The following IGF1R variants were observed in gnomAD, a reference collection of about 807,000 sequenced individuals.
IGF1R encodes the protein insulin like growth factor 1 receptor.
A neutral mutation model predicts 144.6 loss-of-function variants in IGF1R; 44 were observed. The observed-to-expected ratio is 0.30, with a 90% CI of 0.24 to 0.39. IGF1R has a LOEUF of 0.39. Among genes scored for constraint, IGF1R ranks in the 10% least tolerant of loss-of-function variants. The pLI, the probability that IGF1R is intolerant of heterozygous loss-of-function variation, is 1.00. For synonymous variants in IGF1R, 795 were observed against 722.8 expected (o/e 1.10, Z -1.60); for missense variants, 1,355 against 1,833.7 (o/e 0.74, Z 4.77).
chr15:98,662,066 T>A (rs1057394553), intron 1 of IGF1R, among the ~76,000 whole-genome samples: 2 of 148,508 alleles, frequency 1.3e-5, no homozygotes, highest in Admixed American at 1.4e-4. Context: ...TGCAACCTCT[T>A]CCTCCCAGGT....
In IGF1R at chr15:98,916,085, G is replaced by T. The variant is rs56294552; in HGVS notation, c.1950G>T (p.Arg650=). 4.6e-3 allele frequency: 7,443 copies of T among 1,614,144 alleles called. 29 individuals are homozygous for T. Among genetic ancestry groups the T allele is most frequent in the Admixed American group, 5.3e-3 (316 of 60,020 alleles). ...GTTACTACATTGTGCGCTGGCAGCGGCAGCCTCAGGACGGCTACCTTTACC... is the reference window on the plus strand; with the variant it reads ...GTTACTACATTGTGCGCTGGCAGCGTCAGCCTCAGGACGGCTACCTTTACC... The part of the protein sequence containing the change: ...NLSYYIVRWQ[R]QPQDGYLYRH... Residue 650 remains arginine (R), a synonymous_variant, in exon 9 of 21, where the codon CGG becomes CGT. Coordinates refer to ENST00000650285, the MANE Select transcript of IGF1R (RefSeq NM_000875.5).
rs186839421 is a variant in IGF1R at position 98,777,874 on chromosome 15, C to A, written c.640+69767C>A. ...CTGTAAGGGTCCCAAATGTAGACCA[C>A]TGCAGATCGTAAGGTCTAGATGGAG... On this transcript the variant is annotated intron_variant, in intron 2 of 20. Transcript: ENST00000650285. Among the ~76,000 whole-genome samples the A allele has an allele frequency of 1.0e-3, 153 of 152,298 alleles. 1 individual carries two copies. The highest frequency in any genetic ancestry group is 3.6e-3 in the African/African-American group (149 of 41,560).
At chr15:98,650,932 G>C (rs2052347524) in intron 1 of IGF1R, 4 of 985,180 alleles carry the variant, frequency 4.1e-6, no homozygotes, top group Non-Finnish European at 4.8e-6. Flanking sequence ...ACTCCCCCCG[G>C]TGTCTACGGC....
At chr15:98,725,537 C>T (rs1430577655) in intron 2 of IGF1R, among the ~76,000 whole-genome samples, 1 of 152,134 alleles carries the variant, frequency 6.6e-6, no homozygotes, top group Non-Finnish European at 1.5e-5. Context: ...CCTGTTGACC[C>T]AACCCATGCA....
In IGF1R at chr15:98,708,082, C is replaced by T; in HGVS notation, c.615C>T (p.Cys205=). 2 of 1,613,770 alleles carry T rather than the reference C, an allele frequency of 1.2e-6. No homozygotes were observed. The highest frequency in any genetic ancestry group is 1.7e-6 in the Non-Finnish European group (2 of 1,179,952). The change falls in exon 2 of 21, where the codon TGC becomes TGT. Residue 205 remains cysteine (C), a synonymous_variant. Transcript: ENST00000650285. ...TTINNEYNYR[C]WTTNRCQKMC... ...TCAACAATGAGTACAACTACCGCTG[C>T]TGGACCACAAACCGCTGCCAGAAAA...
In IGF1R at chr15:98,784,136, G is replaced by A. The variant is rs147720199; in HGVS notation, c.640+76029G>A. ...ATTGCAGGCACCCGCAACCACACCC[G>A]GGTAATTTTTGTATTTTTAGTGGAG... is the stretch of plus-strand genomic sequence containing the variant. On this transcript the variant is annotated intron_variant, in intron 2 of 20. Transcript: ENST00000650285. Among the ~76,000 whole-genome samples the A allele has an allele frequency of 2.8e-3, 426 of 151,916 alleles. 1 individual carries two copies. Among genetic ancestry groups the A allele is most frequent in the African/African-American group, 9.5e-3 (394 of 41,446 alleles).
intron 2 of IGF1R, among the ~76,000 whole-genome samples, chr15:98,752,050 G>A (rs2055024903): frequency 6.6e-6 from 1 of 152,200 alleles, no homozygotes; most frequent in South Asian, 2.1e-4. Flanking sequence ...GGGTTCCTCT[G>A]TGCAGACTTG....
At chr15:98,873,984 CAG>C (rs1362867167) in intron 2 of IGF1R, 3 of 152,158 alleles carry the variant, frequency 2.0e-5, no homozygotes, top group South Asian at 4.1e-4. Flanking sequence ...GTGGGTGAAA[CAG>C]ATATTTCGAG....
In IGF1R at chr15:98,948,583, G is replaced by T. The variant is rs1354830527; in HGVS notation, c.3597G>T (p.Gly1199=). 6 of 1,613,936 alleles carry T rather than the reference G, an allele frequency of 3.7e-6. No homozygotes were observed. The highest frequency in any genetic ancestry group is 5.1e-6 in the Non-Finnish European group (6 of 1,179,994). The change falls in exon 20 of 21, where the codon GGG becomes GGT. Residue 1199 remains glycine, a synonymous_variant. Transcript: ENST00000650285. ...TTTTTTCTCCCTGTAGGTCCTTCGG[G>T]GTCGTCCTCTGGGAGATCGCCACAC... The part of the protein sequence containing the change: ...FTTYSDVWSF[G]VVLWEIATLA...
intron 2 of IGF1R, among the ~76,000 whole-genome samples, chr15:98,857,991 CAA>C (rs2011926707): frequency 6.6e-6 from 1 of 152,176 alleles, no homozygotes; most frequent in Non-Finnish European, 1.5e-5. Flanking sequence ...TGATTATTAG[CAA>C]ATACTAAGTA....
intron 2 of IGF1R, among the ~76,000 whole-genome samples, chr15:98,832,479 C>T (rs1397329344): frequency 6.6e-6 from 1 of 152,178 alleles, no homozygotes; most frequent in Non-Finnish European, 1.5e-5. Context: ...AACCTTCTCA[C>T]GAGTTAGATT....
At chr15:98,836,759 CTT>C (rs1186755018) in intron 2 of IGF1R, among the ~76,000 whole-genome samples, 1 of 152,124 alleles carries the variant, frequency 6.6e-6, no homozygotes, top group Non-Finnish European at 1.5e-5. Flanking sequence ...ATGTGTCTAT[CTT>C]TGCTTGTTTT....
At chr15:98,778,628 TC>T (rs1287564622) in intron 2 of IGF1R, among the ~76,000 whole-genome samples, 2 of 152,200 alleles carry the variant, frequency 1.3e-5, no homozygotes, top group African/African-American at 2.4e-5. Context: ...TATCCTGATT[TC>T]CCCTCCCTTG....
chr15:98,929,505 T>C (rs4486868), intron 13 of IGF1R, 53 bp from the exon 14 acceptor site: 574,841 of 1,375,546 alleles, frequency 0.42, 123,081 homozygotes, highest in Non-Finnish European at 0.44. Context: ...AGAAATGAAA[T>C]GAGCAAATTG....
At chr15:98,827,058 A>T (rs768547079) in intron 2 of IGF1R, among the ~76,000 whole-genome samples, 1 of 152,200 alleles carries the variant, frequency 6.6e-6, no homozygotes, top group Non-Finnish European at 1.5e-5. Context: ...CTAAGATTTG[A>T]ATTTGAGTAC....
At chr15:98,714,566 G>A (rs556161206) in intron 2 of IGF1R, among the ~76,000 whole-genome samples, 127 of 152,080 alleles carry the variant, frequency 8.4e-4, no homozygotes, top group African/African-American at 2.9e-3. Context: ...GGATCCGCCT[G>A]AGCCTGGGGA....
At chr15:98,893,284 A>G (rs967968726) in intron 3 of IGF1R, among the ~76,000 whole-genome samples, 14 of 152,246 alleles carry the variant, frequency 9.2e-5, no homozygotes, top group African/African-American at 3.4e-4. Context: ...AAGATAATAC[A>G]TTCTTTTATA....
intron 2 of IGF1R, among the ~76,000 whole-genome samples, chr15:98,825,743 A>G (rs1316018895): frequency 6.6e-6 from 1 of 152,352 alleles, no homozygotes; most frequent in Non-Finnish European, 1.5e-5. Flanking sequence ...ACCTAATACA[A>G]TGTAAATAGT....
intron 2 of IGF1R, among the ~76,000 whole-genome samples, chr15:98,866,252 C>G (rs2012440529): frequency 6.6e-6 from 1 of 152,220 alleles, no homozygotes; most frequent in Admixed American, 6.5e-5. Flanking sequence ...CGCCACCACA[C>G]AGATGCACGT....
Sources: gnomAD v4.1 joint callset for allele counts (sites outside exome capture counted in the v4.1 genomes callset) on GRCh38, gnomAD v4.1.1 for gene constraint, MANE v1.5 for transcripts, NCBI Gene and HGNC (gene_info 2026-07-23, HGNC 2026-07-21) for gene names.